Variants in PXDNL observed in about 807,000 individuals in gnomAD.
The protein encoded by PXDNL is peroxidasin like.
Under a neutral mutation model 150.8 loss-of-function variants are expected in PXDNL, and 145 were observed. The observed-to-expected ratio is 0.96, with a 90% CI of 0.84 to 1.10. The LOEUF (loss-of-function observed/expected upper bound fraction) is 1.10. Ranked by LOEUF, PXDNL falls within the 50% of genes least tolerant of loss-of-function variation. PXDNL has a pLI of 0.00. For synonymous variants in PXDNL, 757 were observed against 725.7 expected (o/e 1.04, Z -0.69); for missense variants, 2,087 against 1,873.9 (o/e 1.11, Z -2.10).
intron 12 of PXDNL, among the ~76,000 whole-genome samples, chr8:51,428,935 C>T (rs1367320581): frequency 1.2e-4 from 2 of 16,062 alleles, no homozygotes; most frequent in Admixed American, 1.2e-3. Flanking sequence ...ATTTGCAAAC[C>T]ACATATGCAG....
chr8:51,535,910 A>T (rs979146030), intron 4 of PXDNL, among the ~76,000 whole-genome samples: 7 of 152,158 alleles, frequency 4.6e-5, no homozygotes, highest in Non-Finnish European at 8.8e-5. Flanking sequence ...CCCTCCCTGC[A>T]TTCGCTCTCT....
chr8:51,550,218 C>T (rs1812450694), intron 4 of PXDNL, among the ~76,000 whole-genome samples: 1 of 152,056 alleles, frequency 6.6e-6, no homozygotes, highest in Non-Finnish European at 1.5e-5. Flanking sequence ...ACAAAAAGTC[C>T]AGGACCAGAT....
chr8:51,597,418 T>C (rs1228191225), intron 2 of PXDNL, among the ~76,000 whole-genome samples: 1 of 152,130 alleles, frequency 6.6e-6, no homozygotes, highest in Admixed American at 6.6e-5. Flanking sequence ...TTTAGAATAG[T>C]TTTTTTCCAA....
intron 19 of PXDNL, among the ~76,000 whole-genome samples, chr8:51,354,256 A>G (rs1806438349): frequency 6.6e-6 from 1 of 152,102 alleles, no homozygotes; most frequent in African/African-American, 2.4e-5. Flanking sequence ...TAAATTTTCT[A>G]ATTTTTATCA....
At chr8:51,644,484 G>A (rs1814872229) in intron 2 of PXDNL, among the ~76,000 whole-genome samples, 1 of 146,948 alleles carries the variant, frequency 6.8e-6, no homozygotes, top group Non-Finnish European at 1.5e-5. Context: ...TTTTGAGACG[G>A]AGTCTCGATC....
chr8:51,772,283 G>T (rs2037305993), intron 1 of PXDNL, among the ~76,000 whole-genome samples: 1 of 150,678 alleles, frequency 6.6e-6, no homozygotes. Flanking sequence ...TGCTCCGATG[G>T]GTCACACCTC....
At chr8:51,548,454 G>C (rs74777304) in intron 4 of PXDNL, among the ~76,000 whole-genome samples, 2 of 152,118 alleles carry the variant, frequency 1.3e-5, no homozygotes, top group East Asian at 3.9e-4. Flanking sequence ...GTACCAGGTA[G>C]TCTATAAAGG....
intron 8 of PXDNL, among the ~76,000 whole-genome samples, chr8:51,469,323 C>T (rs1229714520): frequency 6.6e-6 from 1 of 151,854 alleles, no homozygotes; most frequent in Non-Finnish European, 1.5e-5. Context: ...TTTTTAAATC[C>T]TATTTTGGAA....
chr8:51,367,726 GA>G (rs965237586), intron 19 of PXDNL, among the ~76,000 whole-genome samples: 24 of 151,850 alleles, frequency 1.6e-4, no homozygotes, highest in South Asian at 1.2e-3. Flanking sequence ...GGAAATTTAT[GA>G]AAAAAAATGC....
intron 3 of PXDNL, among the ~76,000 whole-genome samples, chr8:51,579,889 G>A (rs970315207): frequency 5.9e-5 from 9 of 151,938 alleles, no homozygotes; most frequent in African/African-American, 2.2e-4. Context: ...ATAGTTTGCT[G>A]AGAATGATGG....
intron 2 of PXDNL, among the ~76,000 whole-genome samples, chr8:51,618,667 G>C (rs1047702412): frequency 1.3e-5 from 2 of 152,182 alleles, no homozygotes; most frequent in Non-Finnish European, 2.9e-5. Flanking sequence ...TGTGGGAACT[G>C]ATAATTCCTA....
chr8:51,447,248 C>T, intron 11 of PXDNL, 86 bp from the exon 12 acceptor site: 2 of 1,425,206 alleles, frequency 1.4e-6, no homozygotes, highest in Admixed American at 4.0e-5. Flanking sequence ...AAGGGTGAGG[C>T]CTGTCTTTCA....
At chr8:51,663,656 A>G (rs1815322683) in intron 1 of PXDNL, among the ~76,000 whole-genome samples, 1 of 152,132 alleles carries the variant, frequency 6.6e-6, no homozygotes, top group South Asian at 2.1e-4. Context: ...AAACTGAGAA[A>G]ACCTGGATAG....
intron 12 of PXDNL, among the ~76,000 whole-genome samples, chr8:51,439,589 C>A (rs1342290779): frequency 1.3e-5 from 2 of 152,026 alleles, no homozygotes; most frequent in African/African-American, 4.8e-5. Context: ...CTTTGGGAGG[C>A]TGAGGTAGGT....
chr8:51,421,887 T>C (rs1053729473), intron 14 of PXDNL, among the ~76,000 whole-genome samples: 3 of 152,222 alleles, frequency 2.0e-5, no homozygotes, highest in Admixed American at 2.0e-4. Context: ...AATAAATCCG[T>C]GCTCCTCACT....
At chr8:51,524,000 T>C (rs1231806095) in intron 4 of PXDNL, among the ~76,000 whole-genome samples, 1 of 152,196 alleles carries the variant, frequency 6.6e-6, no homozygotes, top group Non-Finnish European at 1.5e-5. Context: ...ATCCCTTTAA[T>C]AAATGCTTTA....
chr8:51,599,569 G>A (rs1466553249), intron 2 of PXDNL, among the ~76,000 whole-genome samples: 2 of 147,924 alleles, frequency 1.4e-5, no homozygotes, highest in African/African-American at 4.9e-5. Flanking sequence ...GTGGCCCAAG[G>A]GTATGAGTTG....
chr8:51,376,560 A>C (rs1563381075), intron 17 of PXDNL, among the ~76,000 whole-genome samples: 1 of 151,490 alleles, frequency 6.6e-6, no homozygotes, highest in African/African-American at 2.4e-5. Flanking sequence ...TTTGAAATAC[A>C]TCTCTCTCTC....
intron 3 of PXDNL, among the ~76,000 whole-genome samples, chr8:51,571,266 G>C (rs551011712): frequency 6.6e-6 from 1 of 151,650 alleles, no homozygotes; most frequent in Non-Finnish European, 1.5e-5. Flanking sequence ...TTTTTGATTC[G>C]ACATTTATTC....
Sources: allele counts gnomAD v4.1 joint callset (sites outside exome capture counted in the v4.1 genomes callset), GRCh38; gene constraint gnomAD v4.1.1; transcripts MANE v1.5; gene names NCBI Gene and HGNC (gene_info 2026-07-23, HGNC 2026-07-21).